SAMSN1: variants seen among roughly 807,000 people sequenced by gnomAD.
SAMSN1 encodes the protein SAM domain-containing protein SAMSN-1.
In SAMSN1, 31 loss-of-function variants were observed where a neutral mutation model predicts 42.0. The observed-to-expected ratio is 0.74, with a 90% CI of 0.55 to 1.00. SAMSN1 has a LOEUF of 1.00. Among genes scored for constraint, SAMSN1 ranks in the 50% least tolerant of loss-of-function variants. The pLI is 0.00. For synonymous variants in SAMSN1, 178 were observed against 151.9 expected, an observed-to-expected ratio of 1.17 and a Z score of -1.26; for missense variants, 464 against 439.4, an observed-to-expected ratio of 1.06 and a Z score of -0.50.
chr21:14,578,706 G>GGC (rs1981591480), intron 2 of SAMSN1, among the ~76,000 whole-genome samples: 6 of 7,760 alleles, frequency 7.7e-4, no homozygotes, highest in African/African-American at 2.5e-3. Context: ...AAAAAAAAAA[G>GGC]ACCCCAAGAT....
chr21:14,554,475 C>T (rs755042481), intron 2 of SAMSN1, among the ~76,000 whole-genome samples: 47 of 151,950 alleles, frequency 3.1e-4, no homozygotes, highest in Non-Finnish European at 4.4e-4. Context: ...ATCATTTTTA[C>T]AATTTTCCTT....
chr21:14,631,654 C>A lies in SAMSN1; in HGVS notation c.156+11348G>T, dbSNP rs2123362589. Among the ~76,000 whole-genome samples the A allele has an allele frequency of 2.0e-5, 3 of 152,298 alleles. 1 individual carries two copies. In the South Asian group the frequency reaches 6.2e-4, roughly 32 times the overall value. ...TGCTGGGATTACAGGCGTAAGCCAC[C>A]ATGCCCCACCCAAGATGGGATTTTT... On this transcript the variant is annotated intron_variant, in intron 2 of 15. Coordinates refer to the SAMSN1 transcript ENST00000647101.
At chr21:14,586,169 A>G (rs986810921), upstream of SAMSN1, among the ~76,000 whole-genome samples, 14 of 145,160 alleles carry the variant, frequency 9.6e-5, no homozygotes, top group African/African-American at 3.6e-4. Flanking sequence ...AGGCTGAGGC[A>G]GGAGAATTGC....
chr21:14,570,202 C>T (rs1243977803), intron 2 of SAMSN1, among the ~76,000 whole-genome samples: 2 of 152,134 alleles, frequency 1.3e-5, no homozygotes, highest in Non-Finnish European at 2.9e-5. Context: ...GGAAAAAGTT[C>T]CCGCATTCTA....
rs556336548 is a variant in SAMSN1, at chr21:14,559,101, A to C, written c.261+23035T>G. 5.3e-5 allele frequency among the ~76,000 whole-genome samples: 8 copies of C among 152,172 alleles called. No individual in the cohort carries two copies. The East Asian group carries it at 1.5e-3, about 29-fold the overall frequency. On this transcript the variant is annotated intron_variant, in intron 2 of 8. Coordinates refer to the SAMSN1 transcript ENST00000285670. ...ATTAGAGCTTGACTTGAATTTGCCA[A>C]CTCCTGTTTGTGCAGATAGTGTGTT...
At chr21:14,520,858 T>A (rs1245993307) in intron 2 of SAMSN1, among the ~76,000 whole-genome samples, 1 of 151,362 alleles carries the variant, frequency 6.6e-6, no homozygotes, top group Non-Finnish European at 1.5e-5. Context: ...GCAGGACTCT[T>A]GCTTTGTTGA....
chr21:14,497,767 G>GC (rs1284107955), intron 7 of SAMSN1, among the ~76,000 whole-genome samples: 1 of 152,124 alleles, frequency 6.6e-6, no homozygotes, highest in African/African-American at 2.4e-5. Flanking sequence ...GTGTTTGGGG[G>GC]CCTGACCGGA....
At chr21:14,612,850 C>G in intron 4 of SAMSN1, 1 of 700,744 alleles carries the variant, frequency 1.4e-6, no homozygotes, top group Non-Finnish European at 2.6e-6. Context: ...ACATCGTTTA[C>G]ACTTGTAACC....
intron 1 of SAMSN1, among the ~76,000 whole-genome samples, chr21:14,644,423 G>C (rs1183612318): frequency 1.3e-5 from 2 of 152,050 alleles, no homozygotes; most frequent in Non-Finnish European, 2.9e-5. Context: ...CCTTGGGCCA[G>C]AAGGAAACCG....
At chr21:14,502,710 C>T (rs58907859) in intron 5 of SAMSN1, among the ~76,000 whole-genome samples, 10,848 of 152,096 alleles carry the variant, frequency 0.071, 1,205 homozygotes, top group African/African-American at 0.24. Flanking sequence ...GTTATGGGTA[C>T]CCTTTCCCCA....
chr21:14,533,457 CTTTTGTA>C (rs1979396151), intron 1 of SAMSN1, among the ~76,000 whole-genome samples: 1 of 152,060 alleles, frequency 6.6e-6, no homozygotes, highest in Non-Finnish European at 1.5e-5. Context: ...ATTCATTTTC[CTTTTGTA>C]GAGAAAATGT....
chr21:14,530,362 G>T (rs1979189011), intron 1 of SAMSN1, among the ~76,000 whole-genome samples: 1 of 117,912 alleles, frequency 8.5e-6, no homozygotes, highest in Admixed American at 9.6e-5. Flanking sequence ...CAAATCCGAA[G>T]ATTGTGATTG....
At chr21:14,575,432 T>C (rs184756985) in intron 2 of SAMSN1, among the ~76,000 whole-genome samples, 7 of 152,318 alleles carry the variant, frequency 4.6e-5, no homozygotes, top group Admixed American at 4.6e-4. Context: ...ATTTATCTTT[T>C]CAAAATTCTC....
At chr21:14,590,994 A>G (rs1982066662) in intron 7 of SAMSN1, among the ~76,000 whole-genome samples, 1 of 152,214 alleles carries the variant, frequency 6.6e-6, no homozygotes. Context: ...ATTTCACTTC[A>G]GAGGTTTATT....
intron 1 of SAMSN1, among the ~76,000 whole-genome samples, chr21:14,645,869 A>T (rs1205638018): frequency 6.6e-6 from 1 of 152,240 alleles, no homozygotes; most frequent in African/African-American, 2.4e-5. Flanking sequence ...CAATTGGCAC[A>T]CTGAAGAATG....
At chr21:14,517,104 C>A in intron 2 of SAMSN1, 63 bp from the exon 3 acceptor site, 1 of 1,433,534 alleles carries the variant, frequency 7.0e-7, no homozygotes, top group South Asian at 1.3e-5. Context: ...GATCTGAAAT[C>A]ACTGTTACAG....
At chr21:14,546,667 T>C (rs62227188), upstream of SAMSN1, among the ~76,000 whole-genome samples, 1 of 107,376 alleles carries the variant, frequency 9.3e-6, no homozygotes, top group Non-Finnish European at 1.9e-5. Context: ...TTTTCTATTA[T>C]TTAAAAAAAA....
chr21:14,530,518 T>A (rs1393412789), intron 1 of SAMSN1, among the ~76,000 whole-genome samples: 1 of 152,164 alleles, frequency 6.6e-6, no homozygotes, highest in Admixed American at 6.5e-5. Flanking sequence ...CTAGTAAACA[T>A]AATCATTTAG....
At chr21:14,646,299 G>T (rs1983711660) in intron 1 of SAMSN1, among the ~76,000 whole-genome samples, 1 of 152,134 alleles carries the variant, frequency 6.6e-6, no homozygotes, top group Non-Finnish European at 1.5e-5. Flanking sequence ...ATACAATTGA[G>T]CGCCTATATG....
Sources: gnomAD v4.1 joint callset for allele counts (sites outside exome capture counted in the v4.1 genomes callset) on GRCh38, gnomAD v4.1.1 for gene constraint, MANE v1.5 for transcripts, NCBI Gene and HGNC (gene_info 2026-07-23, HGNC 2026-07-21) for gene names.